The following PRKD1 variants were observed in gnomAD, a reference collection of about 807,000 sequenced individuals.
The protein encoded by PRKD1 is serine/threonine-protein kinase D1.
In PRKD1, 63 loss-of-function variants were observed where a neutral mutation model predicts 95.9. That is an observed-to-expected ratio of 0.66 (90% CI 0.54 to 0.81). The LOEUF is 0.81. Among genes scored for constraint, PRKD1 ranks in the 30% least tolerant of loss-of-function variants. The pLI, the probability that PRKD1 is intolerant of heterozygous loss-of-function variation, is 0.00. For synonymous variants in PRKD1, 425 were observed against 423.1 expected, an observed-to-expected ratio of 1.00 and a Z score of -0.05; for missense variants, 1,048 against 1,165.3, an observed-to-expected ratio of 0.90 and a Z score of 1.47.
chr14:29,662,301 T>G (rs991729134), intron 4 of PRKD1, among the ~76,000 whole-genome samples: 1 of 152,136 alleles, frequency 6.6e-6, no homozygotes, highest in Non-Finnish European at 1.5e-5. Flanking sequence ...AAATCACTAA[T>G]TGCAAAAATT....
intron 1 of PRKD1, among the ~76,000 whole-genome samples, chr14:29,727,387 C>T (rs180840136): frequency 0.01 from 1,518 of 145,790 alleles, 26 homozygotes; most frequent in African/African-American, 0.035. Flanking sequence ...TGTGCAGAAG[C>T]TCTTTAGTTA....
At chr14:29,815,934 A>G (rs1481927817) in intron 1 of PRKD1, among the ~76,000 whole-genome samples, 2 of 152,154 alleles carry the variant, frequency 1.3e-5, no homozygotes, top group African/African-American at 4.8e-5. Flanking sequence ...ACTTAGTCAT[A>G]TCAGGCCGGG....
intron 2 of PRKD1, among the ~76,000 whole-genome samples, chr14:29,681,615 G>A (rs1485432203): frequency 6.6e-6 from 1 of 152,130 alleles, no homozygotes; most frequent in African/African-American, 2.4e-5. Flanking sequence ...CCTATGAGCA[G>A]CATTATTCGC....
chr14:29,656,440 A>G (rs1440392253), intron 4 of PRKD1: 2 of 1,513,598 alleles, frequency 1.3e-6, no homozygotes, highest in Admixed American at 2.0e-5. Context: ...AAGACAGTGA[A>G]GCAAATTTCT....
intron 1 of PRKD1, among the ~76,000 whole-genome samples, chr14:29,920,022 AAGG>A (rs1895037242): frequency 2.7e-5 from 3 of 112,354 alleles, no homozygotes; most frequent in Admixed American, 2.6e-4. Context: ...GGAGGGAAGG[AAGG>A]AAGGAAGGAA....
At chr14:29,739,095 C>A (rs1352664569) in intron 1 of PRKD1, among the ~76,000 whole-genome samples, 1 of 152,158 alleles carries the variant, frequency 6.6e-6, no homozygotes, top group Non-Finnish European at 1.5e-5. Flanking sequence ...TTTGGCCTCC[C>A]AAAGTGCTGG....
chr14:29,684,219 C>T (rs1354525032), intron 2 of PRKD1, among the ~76,000 whole-genome samples: 4 of 149,946 alleles, frequency 2.7e-5, no homozygotes, highest in Non-Finnish European at 4.4e-5. Context: ...GGTACCATCT[C>T]GGCTCACTGC....
intron 1 of PRKD1, among the ~76,000 whole-genome samples, chr14:29,869,359 G>A (rs1893023074): frequency 1.3e-5 from 2 of 151,772 alleles, no homozygotes; most frequent in African/African-American, 4.8e-5. Flanking sequence ...AGAATTGCTT[G>A]AACCTGGGAT....
chr14:29,783,033 T>C (rs1566598857), intron 1 of PRKD1, among the ~76,000 whole-genome samples: 1 of 152,228 alleles, frequency 6.6e-6, no homozygotes, highest in East Asian at 1.9e-4. Flanking sequence ...TTCTAGCTAT[T>C]TTGAAACATA....
chr14:29,658,288 G>A (rs1405949474), intron 4 of PRKD1, among the ~76,000 whole-genome samples: 2 of 152,062 alleles, frequency 1.3e-5, no homozygotes, highest in Middle Eastern at 3.2e-3. Flanking sequence ...CTAAGTTATT[G>A]TTTCCCAAAG....
intron 1 of PRKD1, among the ~76,000 whole-genome samples, chr14:29,814,659 C>G (rs34225298): frequency 0.15 from 22,353 of 152,102 alleles, 1,951 homozygotes; most frequent in South Asian, 0.21. Context: ...AGCTTAGGCT[C>G]GGATCCCAGG....
chr14:29,606,986 G>A (rs764030589), intron 13 of PRKD1, among the ~76,000 whole-genome samples: 3 of 152,122 alleles, frequency 2.0e-5, no homozygotes, highest in Non-Finnish European at 2.9e-5. Flanking sequence ...ACTCTCTGAG[G>A]TGCTTCCAAA....
chr14:29,901,449 G>A (rs1423100833), intron 1 of PRKD1, among the ~76,000 whole-genome samples: 2 of 152,064 alleles, frequency 1.3e-5, no homozygotes, highest in South Asian at 2.1e-4. Context: ...TGCAATATAC[G>A]CATTTAACGA....
chr14:29,597,692 C>T lies in PRKD1; in HGVS notation c.2233G>A (p.Gly745Ser). ...TCAGGAGCCAGGTAAGCGGGGGTAC[C>T]CACCACTGACCTCCGGAAAGACTTC... ...GEKSFRRSVV[G>S]TPAYLAPEVL... The change falls in exon 16 of 18, where the codon GGT becomes AGT. Residue 745 changes from glycine to serine, a missense_variant. Gly to Ser is a moderately conservative substitution (Grantham distance 56). This residue lies in a region of PRKD1 where 739 missense variants were observed against 861.9 expected (regional missense o/e 0.86). Coordinates refer to ENST00000331968, the MANE Select transcript of PRKD1 (RefSeq NM_002742.3). 6.2e-7 allele frequency: 1 copy of T among 1,613,902 alleles called. No individual in the cohort carries two copies. The highest frequency in any genetic ancestry group is 8.5e-7 in the Non-Finnish European group (1 of 1,179,912).
At chr14:29,710,734 A>G (rs1282003196) in intron 2 of PRKD1, among the ~76,000 whole-genome samples, 1 of 152,198 alleles carries the variant, frequency 6.6e-6, no homozygotes, top group African/African-American at 2.4e-5. Context: ...TGACAATGTA[A>G]GATGATAATA....
chr14:29,690,358 A>G (rs1204983441), intron 2 of PRKD1, among the ~76,000 whole-genome samples: 2 of 152,098 alleles, frequency 1.3e-5, no homozygotes, highest in African/African-American at 4.8e-5. Context: ...AAATTCAACA[A>G]CTTCTCTAAA....
At chr14:29,843,996 A>G (rs953144436) in intron 1 of PRKD1, among the ~76,000 whole-genome samples, 4 of 152,176 alleles carry the variant, frequency 2.6e-5, no homozygotes, top group Admixed American at 2.0e-4. Context: ...TCATCAAGAT[A>G]CTAATAGTGA....
At chr14:29,642,520 G>A (rs7144059) in intron 4 of PRKD1, among the ~76,000 whole-genome samples, 4,275 of 152,068 alleles carry the variant, frequency 0.028, 182 homozygotes, top group African/African-American at 0.091. Flanking sequence ...ATAGCAATTC[G>A]AATCATAATG....
intron 1 of PRKD1, among the ~76,000 whole-genome samples, chr14:29,766,540 T>C (rs1032160000): frequency 2.0e-5 from 3 of 152,232 alleles, no homozygotes; most frequent in African/African-American, 7.2e-5. Flanking sequence ...ACAGTGCTGA[T>C]AATATGTTAA....
Sources: gnomAD v4.1 joint callset for allele counts (sites outside exome capture counted in the v4.1 genomes callset) on GRCh38, gnomAD v4.1.1 for gene constraint, gnomAD v4.1.1 regional missense constraint, MANE v1.5 for transcripts, NCBI Gene and HGNC (gene_info 2026-07-23, HGNC 2026-07-21) for gene names.